Variants in ARHGAP42 observed in about 807,000 individuals in gnomAD.
ARHGAP42 encodes the protein rho GTPase-activating protein 42.
ARHGAP42 carries 63 observed loss-of-function variants against 125.0 expected under a neutral mutation model. That is an observed-to-expected ratio of 0.50 (90% CI 0.41 to 0.62). The LOEUF (loss-of-function observed/expected upper bound fraction) is 0.62. Ranked by LOEUF, ARHGAP42 falls within the 20% of genes least tolerant of loss-of-function variation. The pLI is 0.00. For synonymous variants in ARHGAP42, 339 were observed against 351.0 expected (o/e 0.97, Z 0.38); for missense variants, 766 against 1,024.2 (o/e 0.75, Z 3.44).
At chr11:100,803,213 T>TA (rs34702756) in intron 3 of ARHGAP42, among the ~76,000 whole-genome samples, 97,943 of 147,932 alleles carry the variant, frequency 0.66, 32,528 homozygotes, top group African/African-American at 0.76. Flanking sequence ...CAATCTCTAC[T>TA]AAAAAAAAAA....
At chr11:100,834,117 T>A (rs1864726396) in intron 3 of ARHGAP42, among the ~76,000 whole-genome samples, 1 of 152,164 alleles carries the variant, frequency 6.6e-6, no homozygotes, top group Non-Finnish European at 1.5e-5. Flanking sequence ...AGCTGTCCAG[T>A]CATTACAGTT....
chr11:100,778,748 G>C (rs1863194714), intron 2 of ARHGAP42, among the ~76,000 whole-genome samples: 2 of 152,082 alleles, frequency 1.3e-5, no homozygotes, highest in African/African-American at 4.8e-5. Context: ...GACTTAATTT[G>C]AAATTCAAAA....
At chr11:100,739,174 T>C (rs1433357148) in intron 1 of ARHGAP42, among the ~76,000 whole-genome samples, 1 of 152,100 alleles carries the variant, frequency 6.6e-6, no homozygotes, top group African/African-American at 2.4e-5. Flanking sequence ...TTGTTTTAAA[T>C]GAAGCAGTTT....
intron 4 of ARHGAP42, among the ~76,000 whole-genome samples, chr11:100,871,881 T>A (rs1865704958): frequency 6.6e-6 from 1 of 152,186 alleles, no homozygotes; most frequent in African/African-American, 2.4e-5. Flanking sequence ...GTAGCTGGGA[T>A]TACAGGCATG....
At chr11:100,816,936 C>T (rs962978338) in intron 3 of ARHGAP42, 3 of 152,102 alleles carry the variant, frequency 2.0e-5, no homozygotes, top group African/African-American at 7.2e-5. Context: ...GAAAGATAGA[C>T]TTGGATCAAA....
At chr11:100,877,373 G>A (rs1034693289) in intron 4 of ARHGAP42, among the ~76,000 whole-genome samples, 3 of 152,116 alleles carry the variant, frequency 2.0e-5, no homozygotes, top group South Asian at 2.1e-4. Context: ...AGACTCCTAC[G>A]GGAAGCAAAT....
rs1056535929 is a variant in ARHGAP42, at chr11:100,976,729, G to C, written c.2237-86G>C. ...TTCCCATTTGGGCTCAGAGAAAAATGCTTCCTTTTGTTATGCACATGTACG... is the reference window on the plus strand; with the variant it reads ...TTCCCATTTGGGCTCAGAGAAAAATCCTTCCTTTTGTTATGCACATGTACG... On this transcript the variant is annotated intron_variant, in intron 20 of 23. Coordinates refer to ENST00000298815, the MANE Select transcript of ARHGAP42 (RefSeq NM_152432.4). The C allele has an allele frequency of 1.2e-5, 18 of 1,470,750 alleles. No individual in the cohort carries two copies. The Admixed American group carries it at 3.6e-4, about 29-fold the overall frequency. 91.1% of individuals were successfully genotyped at this position (1,470,750 alleles called of 1,614,324 possible).
chr11:100,936,366 T>C (rs1480450119), intron 8 of ARHGAP42, 34 bp downstream of exon 8: 2 of 1,550,858 alleles, frequency 1.3e-6, no homozygotes, highest in South Asian at 1.2e-5. Flanking sequence ...ACGTCTCTTA[T>C]GACTTAGCCA....
intron 12 of ARHGAP42, among the ~76,000 whole-genome samples, chr11:100,952,839 T>C (rs1857700801): frequency 6.7e-6 from 1 of 148,238 alleles, no homozygotes; most frequent in South Asian, 2.2e-4. Flanking sequence ...GCAATTCTCC[T>C]ACCTCAGCCT....
intron 4 of ARHGAP42, among the ~76,000 whole-genome samples, chr11:100,901,197 G>T (rs536786072): frequency 1.8e-4 from 28 of 152,318 alleles, no homozygotes; most frequent in African/African-American, 6.7e-4. Flanking sequence ...TCCAGACCCT[G>T]TTTGCCTGGG....
Position 100,993,786 on chromosome 11 carries a change from A to G in ARHGAP42, c.*4985A>G, listed in dbSNP as rs1453373044. The G allele has an allele frequency of 6.0e-6, 1 of 167,060 alleles. No individual in the cohort carries two copies. The highest frequency in any genetic ancestry group is 1.5e-5 in the Non-Finnish European group (1 of 68,124). 10.3% of individuals were successfully genotyped at this position (167,060 alleles called of 1,614,324 possible). A position where few individuals can be genotyped will look rare whatever the true frequency, so the allele number is the denominator to read the frequency against. The stretch of plus-strand genomic sequence containing the variant: ...TTTTGTTTATTTTGTAGTGTTCTGT[A>G]TTTATCTGCACTTTGTGTATATATA... On this transcript the variant is annotated 3_prime_UTR_variant, in exon 24 of 24. Transcript: ENST00000298815.
intron 1 of ARHGAP42, among the ~76,000 whole-genome samples, chr11:100,753,211 T>C (rs545629533): frequency 4.6e-5 from 7 of 151,508 alleles, no homozygotes; most frequent in African/African-American, 1.7e-4. Context: ...CAGGAAGGAG[T>C]GTAGCTTCTG....
intron 3 of ARHGAP42, among the ~76,000 whole-genome samples, chr11:100,833,428 C>T (rs1403272050): frequency 1.3e-5 from 2 of 152,190 alleles, no homozygotes; most frequent in Non-Finnish European, 2.9e-5. Flanking sequence ...ACTCATGAAT[C>T]TGCAGTTTGG....
At chr11:100,897,372 T>C (rs1239737531) in intron 4 of ARHGAP42, among the ~76,000 whole-genome samples, 5 of 152,238 alleles carry the variant, frequency 3.3e-5, no homozygotes, top group African/African-American at 1.2e-4. Context: ...TCCAATTCTG[T>C]GAAGGAAGTC....
intron 17 of ARHGAP42, among the ~76,000 whole-genome samples, 155 bp downstream of exon 17, chr11:100,965,931 T>C (rs1401051412): frequency 6.6e-6 from 1 of 152,244 alleles, no homozygotes; most frequent in Non-Finnish European, 1.5e-5. Context: ...GTTTTTAAGA[T>C]ATTTCTATGT....
In ARHGAP42 at chr11:100,795,091, A is replaced by C; in HGVS notation, c.251-14A>C. The C allele has an allele frequency of 6.5e-7, 1 of 1,528,126 alleles. No homozygotes were observed. Among genetic ancestry groups the C allele is most frequent in the African/African-American group, 1.4e-5 (1 of 71,974 alleles). 94.7% of individuals were successfully genotyped at this position (1,528,126 alleles called of 1,614,324 possible). Reference sequence around the variant, plus strand: ...AAATATTAATTCTTTGCATTTTTTTATCTTTCCAAACAGCTCAGTCACTAA... The same window carrying C: ...AAATATTAATTCTTTGCATTTTTTTCTCTTTCCAAACAGCTCAGTCACTAA... On this transcript the variant is annotated splice_polypyrimidine_tract_variant and intron_variant, in intron 2 of 23. Coordinates refer to ENST00000298815, the MANE Select transcript of ARHGAP42 (RefSeq NM_152432.4).
intron 3 of ARHGAP42, among the ~76,000 whole-genome samples, chr11:100,821,728 C>G (rs1385447603): frequency 6.6e-6 from 1 of 151,882 alleles, no homozygotes; most frequent in Non-Finnish European, 1.5e-5. Context: ...TCTTCACTAT[C>G]TTTTCTGCTT....
At chr11:100,825,275 G>A (rs1423982585) in intron 3 of ARHGAP42, among the ~76,000 whole-genome samples, 2 of 151,972 alleles carry the variant, frequency 1.3e-5, no homozygotes, top group East Asian at 3.9e-4. Context: ...CTCATACTAT[G>A]CCTTGTTCCT....
intron 1 of ARHGAP42, among the ~76,000 whole-genome samples, chr11:100,700,248 C>T (rs928695194): frequency 2.0e-5 from 3 of 152,174 alleles, no homozygotes; most frequent in African/African-American, 7.2e-5. Context: ...AAAATGCTAA[C>T]AATCATCTGA....
Sources: gnomAD v4.1 joint callset for allele counts (sites outside exome capture counted in the v4.1 genomes callset) on GRCh38, gnomAD v4.1.1 for gene constraint, MANE v1.5 for transcripts, NCBI Gene and HGNC (gene_info 2026-07-23, HGNC 2026-07-21) for gene names.